The following CDKAL1 variants were observed in gnomAD, a reference collection of about 807,000 sequenced individuals.
The protein encoded by CDKAL1 is CDKAL1 threonylcarbamoyladenosine tRNA methylthiotransferase, also known as threonylcarbamoyladenosine tRNA methylthiotransferase.
A neutral mutation model predicts 68.2 loss-of-function variants in CDKAL1; 32 were observed. The observed-to-expected ratio is 0.47, with a 90% CI of 0.35 to 0.63. CDKAL1 has a LOEUF of 0.63. Ranked by LOEUF, CDKAL1 falls within the 30% of genes least tolerant of loss-of-function variation. CDKAL1 has a pLI of 0.00. For synonymous variants in CDKAL1, 234 were observed against 244.3 expected, an observed-to-expected ratio of 0.96 and a Z score of 0.39; for missense variants, 606 against 696.7, an observed-to-expected ratio of 0.87 and a Z score of 1.47.
At chr6:20,646,493 T>C (rs1437674051) in intron 4 of CDKAL1, among the ~76,000 whole-genome samples, 4 of 152,144 alleles carry the variant, frequency 2.6e-5, no homozygotes, top group Non-Finnish European at 5.9e-5. Flanking sequence ...GTATCAACTG[T>C]CATATATGTG....
chr6:20,729,258 A>G (rs1307653334), intron 5 of CDKAL1, among the ~76,000 whole-genome samples: 3 of 152,170 alleles, frequency 2.0e-5, no homozygotes, highest in Non-Finnish European at 4.4e-5. Context: ...TAATCTTGGG[A>G]TGATGCCTTC....
chr6:20,549,799 G>T (rs1181983563), intron 4 of CDKAL1, among the ~76,000 whole-genome samples: 2 of 151,472 alleles, frequency 1.3e-5, no homozygotes, highest in Non-Finnish European at 2.9e-5. Context: ...TAGATACGGG[G>T]TTTCACCATG....
intron 11 of CDKAL1, among the ~76,000 whole-genome samples, chr6:21,053,557 T>G (rs1350386766): frequency 6.6e-6 from 1 of 152,234 alleles, no homozygotes; most frequent in African/African-American, 2.4e-5. Flanking sequence ...TTTTCCAAAA[T>G]GACTGCACCA....
chr6:20,694,042 T>TTGTGTGTGTGTGTATATGTGTGTG (rs1770991113), intron 5 of CDKAL1, among the ~76,000 whole-genome samples: 3 of 114,354 alleles, frequency 2.6e-5, no homozygotes, highest in African/African-American at 1.3e-4. Flanking sequence ...CCGGCTAACT[T>TTGTGTGTGTGTGTATATGTGTGTG]TGTGTGTGTG....
Position 20,695,251 on chromosome 6 carries a change from G to A in CDKAL1, c.372-44268G>A, listed in dbSNP as rs978632182. ...CTCATGCTTCTAAACAAACTTTAGC[G>A]CTGATGGGAGTATCCAGAATTATTT... On this transcript the variant is annotated intron_variant, in intron 5 of 15. Coordinates refer to ENST00000274695, the MANE Select transcript of CDKAL1 (RefSeq NM_017774.3). Among the ~76,000 whole-genome samples the A allele has an allele frequency of 6.6e-5, 10 of 152,228 alleles. No individual in the cohort carries two copies. In the East Asian group the frequency reaches 1.5e-3, roughly 24 times the overall value.
At chr6:21,158,893 G>C (rs60301539) in intron 13 of CDKAL1, among the ~76,000 whole-genome samples, 1,739 of 152,076 alleles carry the variant, frequency 0.011, 24 homozygotes, top group African/African-American at 0.039. Flanking sequence ...AAACATATAT[G>C]TACCTAATTA....
chr6:20,773,027 C>T (rs1775012133), intron 7 of CDKAL1: 1 of 152,130 alleles, frequency 6.6e-6, no homozygotes, highest in African/African-American at 2.4e-5. Context: ...TTCTAGGTGT[C>T]ATTGCTGTCA....
chr6:20,642,401 A>T (rs1768219160), intron 4 of CDKAL1, among the ~76,000 whole-genome samples: 2 of 150,784 alleles, frequency 1.3e-5, no homozygotes, highest in African/African-American at 4.9e-5. Context: ...AGTAAATTAA[A>T]ATTTGAGATG....
intron 15 of CDKAL1, among the ~76,000 whole-genome samples, chr6:21,229,027 C>CA (rs1351828705): frequency 6.6e-6 from 1 of 152,172 alleles, no homozygotes; most frequent in Non-Finnish European, 1.5e-5. Context: ...ACGAAGGACT[C>CA]AGAGTGCAGG....
At chr6:20,549,576 A>ATT (rs1245678992) in intron 4 of CDKAL1, among the ~76,000 whole-genome samples, 15 of 121,916 alleles carry the variant, frequency 1.2e-4, no homozygotes, top group African/African-American at 4.5e-4. Flanking sequence ...TTTTCTTTAC[A>ATT]TTTATATTTA....
intron 4 of CDKAL1, among the ~76,000 whole-genome samples, chr6:20,625,355 T>C (rs1767379544): frequency 6.6e-6 from 1 of 152,166 alleles, no homozygotes; most frequent in Non-Finnish European, 1.5e-5. Flanking sequence ...AATAGTTTAG[T>C]CAATACGCAT....
At chr6:20,986,767 T>A (rs771322150) in intron 10 of CDKAL1, among the ~76,000 whole-genome samples, 10 of 152,210 alleles carry the variant, frequency 6.6e-5, no homozygotes, top group Non-Finnish European at 1.3e-4. Context: ...CCAGAAGAAC[T>A]GATATGGCAG....
intron 5 of CDKAL1, among the ~76,000 whole-genome samples, chr6:20,682,391 T>C (rs35612982): frequency 0.29 from 43,754 of 152,042 alleles, 7,911 homozygotes; most frequent in African/African-American, 0.51. Flanking sequence ...TAATTTATGG[T>C]GAAACGAGGT....
In CDKAL1 at chr6:21,214,363, A is replaced by G. The variant is rs143370629; in HGVS notation, c.1548+13089A>G. On this transcript the variant is annotated intron_variant, in intron 15 of 15. Transcript: ENST00000274695. ...ATAAAAATTTTTACAAAAATCATCT[A>G]AGGTTTCCCAGCATGTTCAGAATGA... 2.0e-3 allele frequency among the ~76,000 whole-genome samples: 307 copies of G among 152,160 alleles called. 1 individual carries two copies. The highest frequency in any genetic ancestry group is 7.2e-3 in the African/African-American group (298 of 41,536).
chr6:20,736,202 T>C (rs557646312), intron 5 of CDKAL1, among the ~76,000 whole-genome samples: 2 of 152,330 alleles, frequency 1.3e-5, no homozygotes, highest in East Asian at 3.9e-4. Context: ...CTGCCTGTTT[T>C]TGTAAATAAA....
intron 5 of CDKAL1, among the ~76,000 whole-genome samples, chr6:20,717,599 T>C (rs1456044055): frequency 2.0e-5 from 3 of 152,164 alleles, no homozygotes; most frequent in Non-Finnish European, 1.5e-5. Flanking sequence ...GCTGAGACCC[T>C]TAATGGGGAA....
chr6:20,959,514 C>CT (rs1764946457), intron 10 of CDKAL1, among the ~76,000 whole-genome samples: 1 of 151,340 alleles, frequency 6.6e-6, no homozygotes, highest in African/African-American at 2.4e-5. Flanking sequence ...TCATTTGTCC[C>CT]TTGAGTAGTG....
intron 9 of CDKAL1, among the ~76,000 whole-genome samples, chr6:20,908,320 GTATT>G (rs1444935699): frequency 1.3e-5 from 2 of 152,128 alleles, no homozygotes; most frequent in South Asian, 2.1e-4. Flanking sequence ...AATTCTGTCT[GTATT>G]TATCACATTT....
At chr6:20,857,289 G>A (rs1394060251) in intron 9 of CDKAL1, among the ~76,000 whole-genome samples, 1 of 152,138 alleles carries the variant, frequency 6.6e-6, no homozygotes, top group Non-Finnish European at 1.5e-5. Flanking sequence ...AAACCTGGGT[G>A]GTAAGAGTTT....
Sources: gnomAD v4.1 joint callset for allele counts (sites outside exome capture counted in the v4.1 genomes callset) on GRCh38, gnomAD v4.1.1 for gene constraint, MANE v1.5 for transcripts, NCBI Gene and HGNC (gene_info 2026-07-23, HGNC 2026-07-21) for gene names.